CCSER1: variants seen among roughly 807,000 people sequenced by gnomAD.
CCSER1 encodes the protein serine-rich coiled-coil domain-containing protein 1.
A neutral mutation model predicts 82.0 loss-of-function variants in CCSER1; 41 were observed. The ratio of observed to expected loss-of-function variants is 0.50; its 90% CI spans 0.39 to 0.65. CCSER1 has a LOEUF of 0.65. CCSER1 is among the 30% of genes least tolerant of loss of function. The pLI, the probability that CCSER1 is intolerant of heterozygous loss-of-function variation, is 0.00. For missense variants in CCSER1, 1,119 were observed against 1,064.2 expected (o/e 1.05, Z -0.72); for synonymous variants, 414 against 383.9 (o/e 1.08, Z -0.92).
rs77836255 is a variant in CCSER1 at position 90,871,034 on chromosome 4, T to C, written c.2095-52336T>C. On this transcript the variant is annotated intron_variant, in intron 8 of 10. Coordinates refer to ENST00000509176, the MANE Select transcript of CCSER1 (RefSeq NM_001145065.2). Reference sequence around the variant, plus strand: ...TCCACTATCTGTTGTAATGTCTCCTTTTTTTTGTCTTTTATTTCATTTATT... The same window carrying C: ...TCCACTATCTGTTGTAATGTCTCCTCTTTTTTGTCTTTTATTTCATTTATT... Among the ~76,000 whole-genome samples the C allele has an allele frequency of 5.0e-4, 74 of 148,422 alleles. 1 individual carries two copies. The East Asian group carries it at 0.012, about 24-fold the overall frequency.
chr4:91,065,019 C>T (rs575894925), intron 9 of CCSER1, among the ~76,000 whole-genome samples: 2 of 151,650 alleles, frequency 1.3e-5, no homozygotes, highest in South Asian at 4.2e-4. Flanking sequence ...TGAAATACAA[C>T]TCAGGAACAC....
At chr4:91,178,106 T>C (rs977215601) in intron 10 of CCSER1, among the ~76,000 whole-genome samples, 2 of 152,220 alleles carry the variant, frequency 1.3e-5, no homozygotes, top group Non-Finnish European at 2.9e-5. Context: ...TCAGTTTCCA[T>C]GTAGTTGAGC....
At chr4:90,805,578 A>G (rs1199833047) in intron 7 of CCSER1, among the ~76,000 whole-genome samples, 1 of 152,206 alleles carries the variant, frequency 6.6e-6, no homozygotes, top group South Asian at 2.1e-4. Context: ...AAGGACAGGA[A>G]CATTAGACTC....
chr4:91,439,506 A>G (rs12644588), intron 10 of CCSER1, among the ~76,000 whole-genome samples: 123,077 of 151,890 alleles, frequency 0.81, 50,116 homozygotes, highest in East Asian at 0.92. Context: ...AGGAACAACC[A>G]GTACCAGCCA....
intron 9 of CCSER1, among the ~76,000 whole-genome samples, chr4:90,979,829 T>C (rs1735947559): frequency 6.6e-6 from 1 of 151,772 alleles, no homozygotes; most frequent in Non-Finnish European, 1.5e-5. Context: ...TCTCCCTGTG[T>C]TAAGCCATAA....
At chr4:90,623,038 T>C (rs1265616239) in intron 5 of CCSER1, among the ~76,000 whole-genome samples, 3 of 149,978 alleles carry the variant, frequency 2.0e-5, no homozygotes, top group African/African-American at 7.4e-5. Flanking sequence ...TTTTTTTTTT[T>C]TTTTTTTGAG....
At chr4:90,994,457 A>C (rs1318657435) in intron 9 of CCSER1, among the ~76,000 whole-genome samples, 1 of 151,946 alleles carries the variant, frequency 6.6e-6, no homozygotes, top group Non-Finnish European at 1.5e-5. Flanking sequence ...TGTGTACTGA[A>C]TGCATGATGC....
intron 10 of CCSER1, among the ~76,000 whole-genome samples, chr4:91,506,402 T>C (rs1759489136): frequency 1.3e-5 from 2 of 152,162 alleles, no homozygotes; most frequent in Non-Finnish European, 2.9e-5. Context: ...TTGTTTGTTT[T>C]TTGCTTAGGA....
At chr4:91,312,219 T>C (rs932932674) in intron 10 of CCSER1, among the ~76,000 whole-genome samples, 1 of 151,740 alleles carries the variant, frequency 6.6e-6, no homozygotes, top group Non-Finnish European at 1.5e-5. Context: ...AAAGAATGAC[T>C]AGATTACAAG....
chr4:90,436,309 C>A (rs538738913), intron 4 of CCSER1, among the ~76,000 whole-genome samples: 1 of 152,202 alleles, frequency 6.6e-6, no homozygotes, highest in South Asian at 2.1e-4. Flanking sequence ...TTAAGAAAAT[C>A]TAACAAACAA....
At chr4:91,089,797 G>T (rs531639638) in intron 10 of CCSER1, among the ~76,000 whole-genome samples, 6 of 152,242 alleles carry the variant, frequency 3.9e-5, no homozygotes, top group Admixed American at 3.3e-4. Context: ...ACACTTGCAT[G>T]GGTACATGTG....
intron 9 of CCSER1, among the ~76,000 whole-genome samples, chr4:90,935,987 CAT>C (rs1730883329): frequency 6.6e-6 from 1 of 151,838 alleles, no homozygotes; most frequent in Non-Finnish European, 1.5e-5. Flanking sequence ...TTGCAATGAA[CAT>C]ATGTATTTTT....
At chr4:90,552,862 T>C (rs771272011) in intron 5 of CCSER1, among the ~76,000 whole-genome samples, 1 of 152,242 alleles carries the variant, frequency 6.6e-6, no homozygotes, top group Non-Finnish European at 1.5e-5. Flanking sequence ...TAATTCTTTA[T>C]TCTTAATATT....
chr4:91,363,210 G>A (rs187231226), intron 10 of CCSER1, among the ~76,000 whole-genome samples: 27 of 151,814 alleles, frequency 1.8e-4, no homozygotes, highest in East Asian at 1.7e-3. Flanking sequence ...TATTTCTAGC[G>A]TAATGCTTTT....
chr4:91,413,581 T>A (rs1156272657), intron 10 of CCSER1, among the ~76,000 whole-genome samples: 2 of 151,552 alleles, frequency 1.3e-5, no homozygotes, highest in East Asian at 3.9e-4. Context: ...TGTGTGAATA[T>A]ATGAATTAAG....
At chr4:90,335,556 T>C (rs116633335) in intron 3 of CCSER1, among the ~76,000 whole-genome samples, 3,694 of 152,308 alleles carry the variant, frequency 0.024, 55 homozygotes, top group South Asian at 0.045. Context: ...TTAAGCCTTA[T>C]ATAACATTTT....
chr4:90,206,999 A>G (rs1738974841), intron 1 of CCSER1, among the ~76,000 whole-genome samples: 1 of 151,454 alleles, frequency 6.6e-6, no homozygotes, highest in Non-Finnish European at 1.5e-5. Context: ...GAGGATTGCA[A>G]CCCCTGTTTT....
At chr4:91,437,870 G>C (rs758334594) in intron 10 of CCSER1, among the ~76,000 whole-genome samples, 19 of 152,204 alleles carry the variant, frequency 1.2e-4, no homozygotes, top group African/African-American at 4.3e-4. Flanking sequence ...ACAGAGTCTT[G>C]CTGATTGCTA....
intron 9 of CCSER1, among the ~76,000 whole-genome samples, chr4:90,999,388 C>T (rs779847972): frequency 1.3e-5 from 2 of 152,188 alleles, no homozygotes; most frequent in African/African-American, 4.8e-5. Context: ...GCCTCATCAA[C>T]ATCTGTTGTT....
Sources: allele counts gnomAD v4.1 joint callset (sites outside exome capture counted in the v4.1 genomes callset), GRCh38; gene constraint gnomAD v4.1.1; transcripts MANE v1.5; gene names NCBI Gene and HGNC (gene_info 2026-07-23, HGNC 2026-07-21).